The following ADPGK variants were observed in gnomAD, a reference collection of about 807,000 sequenced individuals.
The protein encoded by ADPGK is ADP dependent glucokinase.
ADPGK carries 26 observed loss-of-function variants against 42.4 expected under a neutral mutation model. The observed-to-expected ratio is 0.61, with a 90% CI of 0.45 to 0.85. ADPGK has a LOEUF of 0.85. Ranked by LOEUF, ADPGK falls within the 40% of genes least tolerant of loss-of-function variation. The pLI, the probability that ADPGK is intolerant of heterozygous loss-of-function variation, is 0.00. For missense variants in ADPGK, 571 were observed against 627.0 expected (o/e 0.91, Z 0.95); for synonymous variants, 267 against 252.6 (o/e 1.06, Z -0.54).
In ADPGK at chr15:72,751,520, G is replaced by C. The variant is rs747463456; in HGVS notation, c.*821C>G. ...ATCAGTGAAAACATAAAACATCCAT[G>C]ATCTGTTAACACACACAGGAGCATA... On this transcript the variant is annotated 3_prime_UTR_variant, in exon 7 of 7. Coordinates refer to ENST00000456471, the MANE Select transcript of ADPGK (RefSeq NM_001365225.1). 1 of 152,592 alleles carries C rather than the reference G, an allele frequency of 6.6e-6. No individual in the cohort carries two copies. Among genetic ancestry groups the C allele is most frequent in the East Asian group, 1.9e-4 (1 of 5,190 alleles). The allele number at this position is 152,592 out of a possible 1,614,324, so 9.5% of individuals were successfully genotyped here.
At chr15:72,779,252 T>TG (rs1466195547) in intron 1 of ADPGK, among the ~76,000 whole-genome samples, 1 of 148,512 alleles carries the variant, frequency 6.7e-6, no homozygotes, top group Non-Finnish European at 1.5e-5. Flanking sequence ...GGGTTTTTTT[T>TG]TTTTTTTTTT....
chr15:72,758,547 C>A, intron 4 of ADPGK: 1 of 228,850 alleles, frequency 4.4e-6, no homozygotes, highest in Non-Finnish European at 8.8e-6. Context: ...AGGCTCCCTC[C>A]TTGGACCTAG....
chr15:72,765,596 T>C (rs1241594199), intron 3 of ADPGK, among the ~76,000 whole-genome samples: 1 of 152,252 alleles, frequency 6.6e-6, no homozygotes, highest in Admixed American at 6.5e-5. Context: ...AGAACATTTA[T>C]GATTTATAGG....
intron 3 of ADPGK, among the ~76,000 whole-genome samples, chr15:72,766,689 G>T (rs986134065): frequency 6.6e-6 from 1 of 152,088 alleles, no homozygotes; most frequent in Non-Finnish European, 1.5e-5. Flanking sequence ...CAGTCGTCTA[G>T]AACCAAACAT....
intron 4 of ADPGK, chr15:72,758,357 T>C (rs1174385999): frequency 3.3e-6 from 2 of 602,126 alleles, no homozygotes; most frequent in Admixed American, 2.4e-5. Flanking sequence ...AACCTCTGCG[T>C]AGTGACTCAC....
At chr15:72,755,897 A>T in intron 5 of ADPGK, 1 of 652,310 alleles carries the variant, frequency 1.5e-6, no homozygotes, top group Non-Finnish European at 2.8e-6. Context: ...GTTCACTTCG[A>T]CTGCTGTACG....
At chr15:72,760,360 A>G (rs754548511) in intron 4 of ADPGK, 47 bp downstream of exon 4, 1 of 1,546,464 alleles carries the variant, frequency 6.5e-7, no homozygotes, top group Non-Finnish European at 8.8e-7. Context: ...CTGACAATAC[A>G]CAGCCCCTTG....
intron 1 of ADPGK, among the ~76,000 whole-genome samples, chr15:72,781,174 G>C (rs1458693692): frequency 1.3e-5 from 2 of 152,024 alleles, no homozygotes; most frequent in Admixed American, 6.5e-5. Flanking sequence ...ATCCTCTTTG[G>C]GTAATAAATG....
chr15:72,774,867 C>T lies in ADPGK; in HGVS notation c.459+5G>A. ...CTTAATTTACTATTGCTGAACCAAA[C>T]AGACCTGGGCTCCTGGGAACTCTGA... On this transcript the variant is annotated splice_donor_5th_base_variant and intron_variant, in intron 2 of 6. Coordinates refer to ENST00000456471, the MANE Select transcript of ADPGK (RefSeq NM_001365225.1). 2 of 1,607,800 alleles carry T rather than the reference C, an allele frequency of 1.2e-6. No individual in the cohort carries two copies. Among genetic ancestry groups the T allele is most frequent in the South Asian group, 2.2e-5 (2 of 90,950 alleles).
Position 72,780,014 on chromosome 15 carries a change from T to C in ADPGK, c.233+3445A>G, listed in dbSNP as rs181981234. On this transcript the variant is annotated intron_variant, in intron 1 of 6. Transcript: ENST00000456471. ...AGAAATGGGAAAGACCAGGCTTCAA[T>C]TGCTCCTCTGGCACTTGATAGCTAC... is the stretch of plus-strand genomic sequence containing the variant. 1.2e-4 allele frequency among the ~76,000 whole-genome samples: 18 copies of C among 152,340 alleles called. No homozygotes were observed. In the South Asian group the frequency reaches 1.2e-3, roughly 11 times the overall value.
chr15:72,752,513 C>A lies in ADPGK; in HGVS notation c.1322G>T (p.Gly441Val). 6.2e-7 allele frequency: 1 copy of A among 1,614,190 alleles called. No individual in the cohort carries two copies. The highest frequency in any genetic ancestry group is 8.5e-7 in the Non-Finnish European group (1 of 1,180,036). ...GTTTGGGTTTAATACAATCCTGGAG[C>A]CTGCCTCCGAATGGGAAGTCATGAA... is the stretch of plus-strand genomic sequence containing the variant. The part of the protein sequence containing the change: ...QEFMTSHSEA[G>V]SRIVLNPNKP... The change falls in exon 7 of 7, where the codon GGC (glycine) becomes GTC (valine). Residue 441 changes from glycine to valine, a missense_variant. Gly to Val is a moderately radical substitution (Grantham distance 109, BLOSUM62 -3). Coordinates refer to ENST00000456471, the MANE Select transcript of ADPGK (RefSeq NM_001365225.1).
chr15:72,782,461 G>A (rs1001107008), intron 1 of ADPGK, among the ~76,000 whole-genome samples: 1 of 143,980 alleles, frequency 6.9e-6, no homozygotes, highest in African/African-American at 2.6e-5. Context: ...GGAGTTCGAG[G>A]CTGCAGTGAG....
intron 3 of ADPGK, among the ~76,000 whole-genome samples, chr15:72,762,869 A>G (rs1188283461): frequency 2.6e-5 from 4 of 152,120 alleles, no homozygotes; most frequent in Non-Finnish European, 4.4e-5. Flanking sequence ...CTGTAATCCC[A>G]GCTACTCAGG....
chr15:72,752,428 C>T lies in ADPGK; in HGVS notation c.1407G>A (p.Val469=). ...GISFHFTPVL[V]CKDPIRTVGL... ...CTACAGTTCGAATGGGGTCTTTACA[C>T]ACCAATACTGGTGTGAAGTGGAAGG... is the stretch of plus-strand genomic sequence containing the variant. Residue 469 remains valine (V), a synonymous_variant, in exon 7 of 7, where the codon GTG becomes GTA. Transcript: ENST00000456471. 2 of 1,614,248 alleles carry T rather than the reference C, an allele frequency of 1.2e-6. No homozygotes were observed. Among genetic ancestry groups the T allele is most frequent in the Non-Finnish European group, 1.7e-6 (2 of 1,180,042 alleles).
chr15:72,764,636 G>A (rs2066235706), intron 3 of ADPGK, among the ~76,000 whole-genome samples: 1 of 152,234 alleles, frequency 6.6e-6, no homozygotes, highest in Admixed American at 6.5e-5. Context: ...GATGAACATG[G>A]CTACACTAAA....
intron 3 of ADPGK, among the ~76,000 whole-genome samples, chr15:72,761,476 T>C (rs1210546163): frequency 6.6e-6 from 1 of 152,194 alleles, no homozygotes; most frequent in Non-Finnish European, 1.5e-5. Flanking sequence ...GGGAAGGTGC[T>C]CTGCAACTTT....
chr15:72,756,781 C>A (rs577526447), intron 4 of ADPGK: 1 of 346,534 alleles, frequency 2.9e-6, no homozygotes, highest in Non-Finnish European at 5.4e-6. Flanking sequence ...CTTCCAAATA[C>A]CAGCATACAG....
At position 72,783,458 on chromosome 15, in the gene ADPGK, C is replaced by T; in HGVS notation, c.233+1G>A. 1 of 1,381,486 alleles carries T rather than the reference C, an allele frequency of 7.2e-7. No homozygotes were observed. The highest frequency in any genetic ancestry group is 9.3e-7 in the Non-Finnish European group (1 of 1,074,204). The allele number at this position is 1,381,486 out of a possible 1,614,324, so 85.6% of individuals were successfully genotyped here. Reference sequence around the variant, plus strand: ...GAGACCCAGGCCCCGTTGGCACTCACCCCACTGCCACGCGGCGCCAGCGCC... The same window carrying T: ...GAGACCCAGGCCCCGTTGGCACTCATCCCACTGCCACGCGGCGCCAGCGCC... On this transcript the variant is annotated splice_donor_variant, in intron 1 of 6. Transcript: ENST00000456471. LOFTEE classifies it high-confidence loss of function.
rs1377599403 is a variant in ADPGK at position 72,751,396 on chromosome 15, T to C, written c.*945A>G. The C allele has an allele frequency of 6.6e-6, 1 of 152,584 alleles. No homozygotes were observed. Among genetic ancestry groups the C allele is most frequent in the Admixed American group, 6.5e-5 (1 of 15,278 alleles). The allele number at this position is 152,584 out of a possible 1,614,324, so 9.5% of individuals were successfully genotyped here. On this transcript the variant is annotated 3_prime_UTR_variant, in exon 7 of 7. Coordinates refer to ENST00000456471, the MANE Select transcript of ADPGK (RefSeq NM_001365225.1). ...TGAAATGTAAATTGTTTTTAATATA[T>C]TTAAGAGCACACAGAAGTCTTGATT...
Sources: allele counts gnomAD v4.1 joint callset (sites outside exome capture counted in the v4.1 genomes callset), GRCh38; gene constraint gnomAD v4.1.1; transcripts MANE v1.5; gene names NCBI Gene and HGNC (gene_info 2026-07-23, HGNC 2026-07-21).